The following ZNF665 variants were observed in gnomAD, a reference collection of about 807,000 sequenced individuals.
The protein encoded by ZNF665 is zinc finger protein 665.
Under a neutral mutation model 7.9 loss-of-function variants are expected in ZNF665, and 6 were observed. The ratio of observed to expected loss-of-function variants is 0.76; its 90% confidence interval spans 0.42 to 1.50. The LOEUF is 1.50. Ranked by LOEUF, ZNF665 falls within the 40% of genes most tolerant of loss-of-function variation. The probability of loss-of-function intolerance (pLI) is 0.01; values close to 1 mark genes in which losing one functional copy is unlikely to be tolerated. For synonymous variants in ZNF665, 242 were observed against 274.5 expected (o/e 0.88, Z 1.17); for missense variants, 819 against 806.7 (o/e 1.02, Z -0.18).
At chr19:53,174,945 C>CAA (rs1168901820) in intron 3 of ZNF665, among the ~76,000 whole-genome samples, 2 of 44,160 alleles carry the variant, frequency 4.5e-5, no homozygotes, top group Non-Finnish European at 1.0e-4. Flanking sequence ...AACTCCGTCT[C>CAA]AAAAAAAAAA....
intron 1 of ZNF665, among the ~76,000 whole-genome samples, chr19:53,190,481 C>T (rs2090808755): frequency 6.6e-6 from 1 of 152,246 alleles, no homozygotes; most frequent in African/African-American, 2.4e-5. Flanking sequence ...CACTCTGACA[C>T]TGTCAGTTCT....
intron 3 of ZNF665, among the ~76,000 whole-genome samples, chr19:53,170,415 GA>G (rs778930372): frequency 6.6e-6 from 1 of 152,106 alleles, no homozygotes; most frequent in African/African-American, 2.4e-5. Flanking sequence ...TTGTTTAATT[GA>G]ACCTTTGTGT....
chr19:53,178,741 G>A (rs1288285384), intron 2 of ZNF665, among the ~76,000 whole-genome samples: 1 of 152,154 alleles, frequency 6.6e-6, no homozygotes, highest in African/African-American at 2.4e-5. Flanking sequence ...TAAAATCTCA[G>A]GGGTAAGCAA....
chr19:53,192,768 G>C (rs546931065), intron 1 of ZNF665, among the ~76,000 whole-genome samples: 1 of 152,212 alleles, frequency 6.6e-6, no homozygotes, highest in Admixed American at 6.5e-5. Flanking sequence ...GGTATCACAG[G>C]ACAAGGCCCG....
chr19:53,184,905 G>T lies in ZNF665; in HGVS notation c.-45-1962C>A, dbSNP rs191228572. Among the ~76,000 whole-genome samples the T allele has an allele frequency of 6.7e-3, 1,024 of 152,046 alleles. 11 individuals carry two copies. The highest frequency in any genetic ancestry group is 0.023 in the African/African-American group (962 of 41,536). Reference sequence around the variant, plus strand: ...TCCACTGGACAGAGGGCCCTTCCCTGCCTGGCAGCCGAGGCAGAGAGAGAG... The same window carrying T: ...TCCACTGGACAGAGGGCCCTTCCCTTCCTGGCAGCCGAGGCAGAGAGAGAG... On this transcript the variant is annotated intron_variant, in intron 1 of 3. Coordinates refer to ENST00000396424, the MANE Select transcript of ZNF665 (RefSeq NM_024733.5).
chr19:53,165,335 C>T lies in ZNF665; in HGVS notation c.1155G>A (p.Met385Ile), dbSNP rs757725691. 2 of 1,613,464 alleles carry T rather than the reference C, an allele frequency of 1.2e-6. No individual in the cohort carries two copies. Among genetic ancestry groups the T allele is most frequent in the Non-Finnish European group, 1.7e-6 (2 of 1,179,800 alleles). ...TCTGATGCTTAGTTAAGTTTGAATG[C>T]ATACTGAAGGCTTTCCCACACTCAT... The part of the protein sequence containing the change: ...KCNECGKAFS[M>I]HSNLTKHQII... Residue 385 changes from methionine (M) to isoleucine (I), a missense_variant, in exon 4 of 4, where the codon ATG becomes ATA. By Grantham distance (10) the Met-to-Ile change is conservative. Coordinates refer to ENST00000396424, the MANE Select transcript of ZNF665 (RefSeq NM_024733.5).
At chr19:53,168,041 GCCTGACTC>G (rs1318711904) in intron 3 of ZNF665, among the ~76,000 whole-genome samples, 1 of 104,962 alleles carries the variant, frequency 9.5e-6, no homozygotes, top group Non-Finnish European at 1.7e-5. Flanking sequence ...GGGCGACACA[GCCTGACTC>G]CCTCTCAAAA....
chr19:53,173,076 T>C (rs1454744078), intron 3 of ZNF665, among the ~76,000 whole-genome samples: 1 of 152,198 alleles, frequency 6.6e-6, no homozygotes, highest in Non-Finnish European at 1.5e-5. Flanking sequence ...TGTTTGCTTT[T>C]GTTGCACAAG....
chr19:53,177,776 G>C (rs546027215), intron 2 of ZNF665, among the ~76,000 whole-genome samples: 1 of 152,258 alleles, frequency 6.6e-6, no homozygotes, highest in Admixed American at 6.5e-5. Context: ...TAAGAACAAT[G>C]CCCATATGCA....
chr19:53,176,210 C>G (rs994687073), intron 2 of ZNF665, among the ~76,000 whole-genome samples: 2 of 152,058 alleles, frequency 1.3e-5, no homozygotes, highest in African/African-American at 4.8e-5. Flanking sequence ...AGGGTTGGGA[C>G]TTCCAGGCTC....
At chr19:53,169,658 A>G (rs1317446531) in intron 3 of ZNF665, among the ~76,000 whole-genome samples, 1 of 151,986 alleles carries the variant, frequency 6.6e-6, no homozygotes, top group Non-Finnish European at 1.5e-5. Flanking sequence ...CATTAGGTGT[A>G]TCTCCTAAAG....
intron 1 of ZNF665, among the ~76,000 whole-genome samples, chr19:53,192,128 T>C (rs1244317171): frequency 1.3e-5 from 2 of 152,084 alleles, no homozygotes; most frequent in Non-Finnish European, 1.5e-5. Context: ...TGTTCCATTC[T>C]TGCAACTTGT....
intron 2 of ZNF665, 68 bp downstream of exon 2, chr19:53,182,816 C>T (rs2090747932): frequency 1.2e-6 from 2 of 1,610,510 alleles, no homozygotes. Flanking sequence ...AGAGAAGATT[C>T]CCAACTCCAA....
intron 2 of ZNF665, chr19:53,182,671 G>T: frequency 1.0e-6 from 1 of 996,642 alleles, no homozygotes; most frequent in Non-Finnish European, 1.5e-6. Flanking sequence ...CCCTTCCCAG[G>T]TCCATGCCCC....
chr19:53,171,488 T>TTGTG (rs1196693590), intron 3 of ZNF665, among the ~76,000 whole-genome samples: 8,101 of 72,488 alleles, frequency 0.11, 598 homozygotes, highest in Non-Finnish European at 0.16. Context: ...ATCTTTACAT[T>TTGTG]TGTGTGTGTG....
intron 3 of ZNF665, among the ~76,000 whole-genome samples, chr19:53,171,526 T>TATA (rs1404974938): frequency 6.0e-4 from 22 of 36,426 alleles, no homozygotes; most frequent in African/African-American, 9.8e-4. Flanking sequence ...ATATATATAT[T>TATA]TTTTTTTTTT....
intron 2 of ZNF665, chr19:53,179,946 G>A (rs550192527): frequency 3.3e-5 from 5 of 152,284 alleles, no homozygotes; most frequent in African/African-American, 9.6e-5. Flanking sequence ...TGGTGTTGGT[G>A]TGAGAGCAGA....
At chr19:53,183,794 C>T (rs546092274) in intron 1 of ZNF665, among the ~76,000 whole-genome samples, 2 of 152,182 alleles carry the variant, frequency 1.3e-5, no homozygotes, top group South Asian at 4.1e-4. Context: ...ATGTGAAGGC[C>T]CTGAGGCAGG....
Position 53,164,659 on chromosome 19 carries a change from A to G in ZNF665, c.1831T>C (p.Ser611Pro). The G allele has an allele frequency of 6.2e-7, 1 of 1,612,738 alleles. No homozygotes were observed. Among genetic ancestry groups the G allele is most frequent in the South Asian group, 1.1e-5 (1 of 90,992 alleles). The part of the protein sequence containing the change: ...NECGKVFTQN[S>P]HLANHRRIHT... ...ATTCTTCTATGATTTGCAAGATGTGAATTTTGAGTGAAGACCTTGCCACAT... is the reference window on the plus strand; with the variant it reads ...ATTCTTCTATGATTTGCAAGATGTGGATTTTGAGTGAAGACCTTGCCACAT... The change falls in exon 4 of 4, where the codon TCA (serine) becomes CCA (proline). Residue 611 changes from serine (S) to proline (P), a missense_variant. Ser to Pro is a moderately conservative substitution (Grantham distance 74). Transcript: ENST00000396424.
Sources: gnomAD v4.1 joint callset for allele counts (sites outside exome capture counted in the v4.1 genomes callset) on GRCh38, gnomAD v4.1.1 for gene constraint, MANE v1.5 for transcripts, NCBI Gene and HGNC (gene_info 2026-07-23, HGNC 2026-07-21) for gene names.